The following MACF1 variants were observed in gnomAD, a reference collection of about 807,000 sequenced individuals.
MACF1 encodes microtubule actin crosslinking factor 1, also known as microtubule-actin cross-linking factor 1.
Under a neutral mutation model 854.8 loss-of-function variants are expected in MACF1, and 193 were observed. The observed-to-expected ratio is 0.23, with a 90% CI of 0.20 to 0.25. MACF1 has a LOEUF of 0.25. Ranked by LOEUF, MACF1 falls within the 10% of genes least tolerant of loss-of-function variation. The pLI, the probability that MACF1 is intolerant of heterozygous loss-of-function variation, is 1.00. For synonymous variants in MACF1, 3,185 were observed against 3,226.7 expected, an observed-to-expected ratio of 0.99 and a Z score of 0.44; for missense variants, 7,722 against 8,929.1, an observed-to-expected ratio of 0.86 and a Z score of 5.45.
rs1442575344 is a variant in MACF1, at chr1:39,283,761, G to A, written c.915+246G>A. Among the ~76,000 whole-genome samples the A allele has an allele frequency of 6.6e-6, 1 of 152,152 alleles. No individual in the cohort carries two copies. The highest frequency in any genetic ancestry group is 1.5e-5 in the Non-Finnish European group (1 of 68,028). On this transcript the variant is annotated intron_variant, in intron 9 of 100. Transcript: ENST00000564288. The surrounding 1 kb of genome is among the most constrained non-coding windows in gnomAD (Gnocchi z 4.5). ...AAGAATGTCTCTTTCATCCCCAGCT[G>A]TAATTCAAGATGAGGAAGTGTTTTA...
chr1:39,426,496 C>T (rs1361666084), intron 61 of MACF1, among the ~76,000 whole-genome samples: 2 of 152,194 alleles, frequency 1.3e-5, no homozygotes, highest in South Asian at 2.1e-4. Context: ...CATTATTAAT[C>T]TGCATGCTAA....
intron 2 of MACF1, among the ~76,000 whole-genome samples, chr1:39,154,954 G>GT (rs1246096432): frequency 1.3e-5 from 2 of 152,114 alleles, no homozygotes; most frequent in African/African-American, 4.8e-5. Context: ...AGTCTTTCAC[G>GT]TTTCCCTGTC....
chr1:39,258,837 C>G (rs1645125830), intron 6 of MACF1, among the ~76,000 whole-genome samples: 1 of 152,146 alleles, frequency 6.6e-6, no homozygotes, highest in South Asian at 2.1e-4. Context: ...TTGGCGCTAC[C>G]TGCTGGTTAA....
chr1:39,206,928 A>G (rs1039857732), intron 1 of MACF1: 19 of 152,090 alleles, frequency 1.2e-4, no homozygotes, highest in Admixed American at 1.1e-3. Context: ...TTGTACTATT[A>G]ATAAATGTAC....
chr1:39,213,571 A>G (rs947137797), intron 1 of MACF1, among the ~76,000 whole-genome samples: 2 of 152,208 alleles, frequency 1.3e-5, no homozygotes, highest in Admixed American at 1.3e-4. Context: ...TCCTGAGCTC[A>G]GGCAGTTTAC....
chr1:39,147,172 CCTTT>C (rs1216441498), intron 2 of MACF1, among the ~76,000 whole-genome samples: 2 of 150,726 alleles, frequency 1.3e-5, no homozygotes, highest in African/African-American at 4.9e-5. Flanking sequence ...CCTTTCCCCT[CCTTT>C]CTTCTTTCTC....
At chr1:39,235,561 C>T (rs1172457841) in intron 2 of MACF1, among the ~76,000 whole-genome samples, 1 of 152,210 alleles carries the variant, frequency 6.6e-6, no homozygotes, top group African/African-American at 2.4e-5. Flanking sequence ...TCCAGTTAAT[C>T]ACTTGTAGCT....
chr1:39,273,981 T>TA (rs1354475364), intron 6 of MACF1, among the ~76,000 whole-genome samples: 1 of 152,158 alleles, frequency 6.6e-6, no homozygotes, highest in Non-Finnish European at 1.5e-5. Flanking sequence ...GGTTATGTTT[T>TA]AAAAAAGGCC....
In MACF1 at chr1:39,357,474, G is replaced by C. The variant is rs777262345; in HGVS notation, c.11524G>C (p.Glu3842Gln). ...TCAGCATGGCCACAATCTCACACCT[G>C]AGGAGCAACAGATGCTGCAACAGAA... ...LDQHGHNLTP[E>Q]EQQMLQQKLG... Residue 3842 changes from glutamate to glutamine, a missense_variant, in exon 45 of 101, where the codon GAG (glutamate) becomes CAG (glutamine). This residue lies in a region of MACF1 where 2,807 missense variants were observed against 3,235.8 expected (regional missense o/e 0.87). Coordinates refer to ENST00000564288, the MANE Select transcript of MACF1 (RefSeq NM_001394062.1). 1.2e-6 allele frequency: 2 copies of C among 1,614,040 alleles called. No homozygotes were observed. The highest frequency in any genetic ancestry group is 2.7e-5 in the African/African-American group (2 of 74,922).
At chr1:39,203,926 G>A (rs141043823), upstream of MACF1, among the ~76,000 whole-genome samples, 80 of 152,194 alleles carry the variant, frequency 5.3e-4, no homozygotes, top group East Asian at 0.014. Context: ...GTCTTTGTGT[G>A]GATATACGTT....
chr1:39,406,603 C>T (rs560609053), intron 58 of MACF1, among the ~76,000 whole-genome samples: 3 of 151,992 alleles, frequency 2.0e-5, no homozygotes, highest in East Asian at 3.9e-4. Context: ...GGTGCGGTGG[C>T]GCATGCCTGT....
chr1:39,141,602 T>C (rs1011872386), intron 2 of MACF1, among the ~76,000 whole-genome samples: 4 of 152,364 alleles, frequency 2.6e-5, no homozygotes, highest in Admixed American at 1.3e-4. Flanking sequence ...TGTAAAGTGC[T>C]TAAAATGGTG....
intron 2 of MACF1, among the ~76,000 whole-genome samples, chr1:39,146,086 A>G (rs1368655389): frequency 6.6e-6 from 1 of 152,226 alleles, no homozygotes; most frequent in Non-Finnish European, 1.5e-5. Context: ...TGTTTATTAC[A>G]GCACTGTTCA....
intron 2 of MACF1, among the ~76,000 whole-genome samples, chr1:39,094,865 T>G (rs1276347322): frequency 6.6e-6 from 1 of 152,140 alleles, no homozygotes; most frequent in Non-Finnish European, 1.5e-5. Context: ...CACTCTACCC[T>G]GGGCTACAGA....
At chr1:39,130,557 A>C (rs77138375) in intron 2 of MACF1, among the ~76,000 whole-genome samples, 2,471 of 152,256 alleles carry the variant, frequency 0.016, 72 homozygotes, top group African/African-American at 0.057. Flanking sequence ...TGTTCAGATC[A>C]AGTTTCCTGG....
At chr1:39,451,939 C>T (rs1464058913) in intron 85 of MACF1, among the ~76,000 whole-genome samples, 1 of 152,046 alleles carries the variant, frequency 6.6e-6, no homozygotes, top group Non-Finnish European at 1.5e-5. Flanking sequence ...AACTCCTGGG[C>T]TCAAGCAGTC....
At chr1:39,155,206 C>G (rs1323986748) in intron 2 of MACF1, among the ~76,000 whole-genome samples, 1 of 152,216 alleles carries the variant, frequency 6.6e-6, no homozygotes, top group African/African-American at 2.4e-5. Flanking sequence ...AACCATCACT[C>G]ATTCCATAGT....
chr1:39,146,325 C>G (rs1643462918), intron 2 of MACF1, among the ~76,000 whole-genome samples: 2 of 151,898 alleles, frequency 1.3e-5, no homozygotes, highest in Non-Finnish European at 2.9e-5. Flanking sequence ...CACCTGTAGT[C>G]CCAGCTACTC....
rs143259429 is a variant in MACF1 at position 39,340,681 on chromosome 1, G to A, written c.10395G>A (p.Arg3465=). The A allele has an allele frequency of 6.2e-7, 1 of 1,614,142 alleles. No individual in the cohort carries two copies. The highest frequency in any genetic ancestry group is 8.5e-7 in the Non-Finnish European group (1 of 1,180,018). ...LSSVSDTWNS[R]LLHFQNAVEI... ...CTGTGAGTGACACTTGGAATTCCAG[G>A]CTACTCCACTTCCAGAATGCTGTGG... Residue 3465 remains arginine, a synonymous_variant, in exon 39 of 101, where the codon AGG becomes AGA. Coordinates refer to ENST00000564288, the MANE Select transcript of MACF1 (RefSeq NM_001394062.1).
Sources: gnomAD v4.1 joint callset for allele counts (sites outside exome capture counted in the v4.1 genomes callset) on GRCh38, gnomAD v4.1.1 for gene constraint, gnomAD v4.1.1 regional missense constraint, Gnocchi (gnomAD v3.1) non-coding constraint, MANE v1.5 for transcripts, NCBI Gene and HGNC (gene_info 2026-07-23, HGNC 2026-07-21) for gene names.